Variants in KALRN observed in about 807,000 individuals in gnomAD.
The protein encoded by KALRN is kalirin.
KALRN carries 70 observed loss-of-function variants against 353.7 expected under a neutral mutation model. The ratio of observed to expected loss-of-function variants is 0.20; its 90% CI spans 0.16 to 0.24. The LOEUF (loss-of-function observed/expected upper bound fraction) is 0.24. Among genes scored for constraint, KALRN ranks in the 10% least tolerant of loss-of-function variants. The probability of loss-of-function intolerance (pLI) is 1.00; values close to 1 mark genes in which losing one functional copy is unlikely to be tolerated. For synonymous variants in KALRN, 1,391 were observed against 1,434.8 expected (o/e 0.97, Z 0.69); for missense variants, 2,791 against 3,756.7 (o/e 0.74, Z 6.72).
intron 37 of KALRN, among the ~76,000 whole-genome samples, chr3:124,639,660 G>A (rs1385285888): frequency 2.0e-5 from 3 of 152,206 alleles, no homozygotes; most frequent in Non-Finnish European, 4.4e-5. Flanking sequence ...CTAGAGAAGA[G>A]GGGATGTGGG....
intron 1 of KALRN, among the ~76,000 whole-genome samples, chr3:124,037,263 C>T (rs750183424): frequency 5.3e-5 from 8 of 152,214 alleles, no homozygotes; most frequent in South Asian, 2.1e-4. Context: ...TATTGCTAAG[C>T]GTTGTGGTGC....
At chr3:124,486,979 T>C (rs2062634578) in intron 28 of KALRN, among the ~76,000 whole-genome samples, 1 of 152,196 alleles carries the variant, frequency 6.6e-6, no homozygotes, top group African/African-American at 2.4e-5. Context: ...ATAAGTCCTC[T>C]CTTGCTAGCA....
At chr3:124,485,183 T>C (rs1382108832) in intron 28 of KALRN, among the ~76,000 whole-genome samples, 1 of 152,240 alleles carries the variant, frequency 6.6e-6, no homozygotes, top group Non-Finnish European at 1.5e-5. Flanking sequence ...GTTTTGAATG[T>C]ATGTATCCCA....
At chr3:124,569,184 A>C (rs2073226160) in intron 34 of KALRN, among the ~76,000 whole-genome samples, 2 of 152,144 alleles carry the variant, frequency 1.3e-5, no homozygotes, top group Non-Finnish European at 2.9e-5. Context: ...CGTGAGCCTC[A>C]GAAGCAGATG....
intron 6 of KALRN, among the ~76,000 whole-genome samples, chr3:124,308,983 C>T (rs952802631): frequency 7.9e-5 from 12 of 151,578 alleles, no homozygotes; most frequent in East Asian, 1.9e-4. Flanking sequence ...ACTTACCTTA[C>T]GAGAAAATAG....
chr3:124,238,645 T>A (rs2080077781), intron 3 of KALRN, among the ~76,000 whole-genome samples: 1 of 152,148 alleles, frequency 6.6e-6, no homozygotes, highest in African/African-American at 2.4e-5. Flanking sequence ...TAAGTTAAGG[T>A]CTGGGATTTC....
intron 31 of KALRN, 117 bp downstream of exon 31, chr3:124,491,541 G>A (rs2063160631): frequency 4.9e-6 from 3 of 606,814 alleles, no homozygotes; most frequent in Admixed American, 4.0e-5. Context: ...GGCCTCTTTT[G>A]GGAATGGCAG....
intron 1 of KALRN, among the ~76,000 whole-genome samples, chr3:124,126,122 G>A (rs954965657): frequency 1.3e-5 from 2 of 152,060 alleles, no homozygotes; most frequent in African/African-American, 2.4e-5. Context: ...TCATGGTTTT[G>A]TGAATGTCTG....
At chr3:124,263,381 AT>A (rs1236803946) in intron 3 of KALRN, among the ~76,000 whole-genome samples, 1 of 152,238 alleles carries the variant, frequency 6.6e-6, no homozygotes, top group Non-Finnish European at 1.5e-5. Context: ...AGTGATCAGC[AT>A]GACTCAGCGA....
At position 124,311,064 on chromosome 3, in the gene KALRN, CTTTT is replaced by C. The variant is rs71145446; in HGVS notation, c.1092+12176_1092+12179del. Reference sequence around the variant, plus strand: ...TCAAAACCACAATGAGATACTACTTCTTTTTTTTTTTTTTTTTTTTTTTTTTTTG... The same window carrying C: ...TCAAAACCACAATGAGATACTACTTCTTTTTTTTTTTTTTTTTTTTTTTTG... On this transcript the variant is annotated intron_variant, in intron 6 of 59. Coordinates refer to ENST00000682506, the MANE Select transcript of KALRN (RefSeq NM_001388419.1). Among the ~76,000 whole-genome samples, 5 of 67,528 alleles carry C rather than the reference CTTTT, an allele frequency of 7.4e-5. No homozygotes were observed. The South Asian group carries it at 2.3e-3, about 31-fold the overall frequency. 44.3% of individuals were successfully genotyped at this position (67,528 alleles called of 152,430 possible). A position where few individuals can be genotyped will look rare whatever the true frequency, so the allele number is the denominator to read the frequency against.
At chr3:124,611,093 A>C (rs2077904450) in intron 34 of KALRN, among the ~76,000 whole-genome samples, 1 of 152,108 alleles carries the variant, frequency 6.6e-6, no homozygotes. Context: ...AGGGCTAGGG[A>C]ATCAGAGTGG....
At chr3:124,649,703 G>A (rs1353465910) in intron 37 of KALRN, among the ~76,000 whole-genome samples, 1 of 152,002 alleles carries the variant, frequency 6.6e-6, no homozygotes, top group Admixed American at 6.6e-5. Context: ...TGAGAGGATT[G>A]CTTGAGCCTA....
At position 124,266,956 on chromosome 3, in the gene KALRN, C is replaced by T. The variant is rs1054463689; in HGVS notation, c.457-1787C>T. On this transcript the variant is annotated intron_variant, in intron 4 of 59. Coordinates refer to ENST00000682506, the MANE Select transcript of KALRN (RefSeq NM_001388419.1). Reference sequence around the variant, plus strand: ...TCAGTAAGTCTTGATACTTCTGCTTCAGCATTGCTGGCCTGCATGTCCCAT... The same window carrying T: ...TCAGTAAGTCTTGATACTTCTGCTTTAGCATTGCTGGCCTGCATGTCCCAT... Among the ~76,000 whole-genome samples, 4 of 152,324 alleles carry T rather than the reference C, an allele frequency of 2.6e-5. No individual in the cohort carries two copies. The East Asian group carries it at 5.8e-4, about 22-fold the overall frequency.
At chr3:124,658,973 A>G (rs333299) in intron 42 of KALRN, among the ~76,000 whole-genome samples, 107,548 of 152,062 alleles carry the variant, frequency 0.71, 39,842 homozygotes, top group African/African-American at 0.93. Context: ...TAGAAAAAGC[A>G]CTCAGCTGAG....
chr3:124,053,765 A>G lies in KALRN; in HGVS notation c.73+19952A>G, dbSNP rs114747116. 9.1e-3 allele frequency among the ~76,000 whole-genome samples: 1,381 copies of G among 152,332 alleles called. 15 individuals carry two copies. The highest frequency in any genetic ancestry group is 0.013 in the Non-Finnish European group (860 of 68,036). On this transcript the variant is annotated intron_variant, in intron 1 of 59. Coordinates refer to ENST00000682506, the MANE Select transcript of KALRN (RefSeq NM_001388419.1). ...TTGCTCATGCTTTGGATATGAATGT[A>G]TGTGCTCCTTTGATCATGTTGGGTT...
At chr3:124,178,878 G>T (rs2150180890) in intron 1 of KALRN, among the ~76,000 whole-genome samples, 1 of 152,312 alleles carries the variant, frequency 6.6e-6, no homozygotes, top group African/African-American at 2.4e-5. Context: ...GTCTAGAGGG[G>T]AGGATCGCTT....
chr3:124,601,930 G>A (rs934972005), intron 34 of KALRN, among the ~76,000 whole-genome samples: 3 of 151,916 alleles, frequency 2.0e-5, no homozygotes, highest in African/African-American at 7.3e-5. Context: ...GTAGGCTGAG[G>A]GGGGAGTATG....
intron 1 of KALRN, among the ~76,000 whole-genome samples, chr3:124,222,748 C>T (rs1460767572): frequency 2.0e-5 from 3 of 152,082 alleles, no homozygotes; most frequent in East Asian, 1.9e-4. Context: ...ACTACAGATG[C>T]GTGCCACCAT....
At chr3:124,655,244 C>T (rs146722831) in intron 38 of KALRN, among the ~76,000 whole-genome samples, 13 of 152,308 alleles carry the variant, frequency 8.5e-5, no homozygotes, top group African/African-American at 3.1e-4. Context: ...GCTTTCAGAA[C>T]GCAGTTTTGC....
Sources: allele counts gnomAD v4.1 joint callset (sites outside exome capture counted in the v4.1 genomes callset), GRCh38; gene constraint gnomAD v4.1.1; transcripts MANE v1.5; gene names NCBI Gene and HGNC (gene_info 2026-07-23, HGNC 2026-07-21).